The following MAP2K4 variants were observed in gnomAD, a reference collection of about 807,000 sequenced individuals.
The protein encoded by MAP2K4 is dual specificity mitogen-activated protein kinase kinase 4.
In MAP2K4, 4 loss-of-function variants were observed where a neutral mutation model predicts 48.5. The ratio of observed to expected loss-of-function variants is 0.08; its 90% CI spans 0.04 to 0.19. The LOEUF (loss-of-function observed/expected upper bound fraction) is 0.19, where lower values mean the gene tolerates loss of function less well. Ranked by LOEUF, MAP2K4 falls within the 10% of genes least tolerant of loss-of-function variation. The pLI is 1.00. For synonymous variants in MAP2K4, 166 were observed against 173.1 expected, an observed-to-expected ratio of 0.96 and a Z score of 0.32; for missense variants, 258 against 493.3, an observed-to-expected ratio of 0.52 and a Z score of 4.52.
chr17:12,030,757 T>C (rs1969412680), intron 1 of MAP2K4, among the ~76,000 whole-genome samples: 1 of 152,200 alleles, frequency 6.6e-6, no homozygotes, highest in African/African-American at 2.4e-5. Context: ...TTTGTTCACC[T>C]CTTCTCTCTC....
chr17:12,132,348 G>A (rs1973055757), intron 9 of MAP2K4, among the ~76,000 whole-genome samples: 1 of 152,170 alleles, frequency 6.6e-6, no homozygotes, highest in African/African-American at 2.4e-5. Context: ...CAGTAGAACA[G>A]ATAATAAATT....
chr17:12,097,796 G>A (rs1971808319), intron 4 of MAP2K4, among the ~76,000 whole-genome samples: 2 of 152,140 alleles, frequency 1.3e-5, no homozygotes, highest in Non-Finnish European at 2.9e-5. Context: ...CAGAAATCTT[G>A]CTGTTCCTTC....
In MAP2K4 at chr17:12,022,607, AGT is replaced by A. The variant is rs572390048; in HGVS notation, c.115+1611_115+1612del. ...CTGACAGTTTGAAATAGCTGGATAC[AGT>A]GTGTTTTTTTGGTTCAAAAAATATT... On this transcript the variant is annotated intron_variant, in intron 1 of 10. Coordinates refer to ENST00000353533, the MANE Select transcript of MAP2K4 (RefSeq NM_003010.4). Among the ~76,000 whole-genome samples, 61 of 152,302 alleles carry A rather than the reference AGT, an allele frequency of 4.0e-4. 1 individual carries two copies. The South Asian group carries it at 0.012, about 30-fold the overall frequency.
chr17:12,047,612 G>A (rs1356372552), intron 1 of MAP2K4, among the ~76,000 whole-genome samples: 1 of 152,156 alleles, frequency 6.6e-6, no homozygotes, highest in East Asian at 1.9e-4. Context: ...TGGGAAAGTG[G>A]TTTTAAACAC....
intron 3 of MAP2K4, among the ~76,000 whole-genome samples, chr17:12,085,678 T>C (rs1971337641): frequency 6.6e-6 from 1 of 152,100 alleles, no homozygotes; most frequent in Non-Finnish European, 1.5e-5. Context: ...ATTTGGATTT[T>C]GACTTTAGTG....
rs567521980 is a variant in MAP2K4, at chr17:12,110,566, T to G, written c.685+140T>G. 30 of 625,514 alleles carry G rather than the reference T, an allele frequency of 4.8e-5. No individual in the cohort carries two copies. The African/African-American group carries it at 4.9e-4, about 10-fold the overall frequency. The allele number at this position is 625,514 out of a possible 1,614,324, so 38.7% of individuals were successfully genotyped here. The stretch of plus-strand genomic sequence containing the variant: ...TTTAGCAAAAAATGCTTTATGTACT[T>G]TAAAACTCTATTACTGCTATTTTTT... On this transcript the variant is annotated intron_variant, in intron 6 of 10. Coordinates refer to ENST00000353533, the MANE Select transcript of MAP2K4 (RefSeq NM_003010.4).
At chr17:12,085,817 G>T (rs1334431799) in intron 3 of MAP2K4, among the ~76,000 whole-genome samples, 2 of 152,118 alleles carry the variant, frequency 1.3e-5, no homozygotes, top group Admixed American at 1.3e-4. Context: ...TAATCTGCTG[G>T]TTGAGTAGGC....
In MAP2K4 at chr17:12,027,551, C is replaced by A. The variant is rs1969295013; in HGVS notation, c.115+6550C>A. Reference sequence around the variant, plus strand: ...AAAAGAGGAATCAAGCAAAGTGTTACCAGACATATATATCTGAGATATATA... The same window carrying A: ...AAAAGAGGAATCAAGCAAAGTGTTAACAGACATATATATCTGAGATATATA... On this transcript the variant is annotated intron_variant, in intron 1 of 10. Transcript: ENST00000353533. 3.9e-5 allele frequency among the ~76,000 whole-genome samples: 6 copies of A among 152,072 alleles called. No individual in the cohort carries two copies. The South Asian group carries it at 1.2e-3, about 32-fold the overall frequency.
chr17:12,024,638 A>G (rs1273608028), intron 1 of MAP2K4, among the ~76,000 whole-genome samples: 2 of 152,176 alleles, frequency 1.3e-5, no homozygotes, highest in Non-Finnish European at 2.9e-5. Context: ...AGGAAACAAT[A>G]CTCAAATTAA....
At chr17:12,055,773 G>T (rs866402747) in intron 2 of MAP2K4, among the ~76,000 whole-genome samples, 32 of 152,162 alleles carry the variant, frequency 2.1e-4, no homozygotes, top group Middle Eastern at 6.8e-3. Flanking sequence ...CAAATTGGTA[G>T]AAGGTAGTGT....
At chr17:12,136,791 G>A (rs193098632) in intron 9 of MAP2K4, among the ~76,000 whole-genome samples, 1 of 152,278 alleles carries the variant, frequency 6.6e-6, no homozygotes, top group East Asian at 1.9e-4. Context: ...AGAAAGGTAT[G>A]GCAGCTTTAC....
intron 7 of MAP2K4, among the ~76,000 whole-genome samples, chr17:12,123,575 C>T (rs751535536): frequency 1.6e-4 from 25 of 151,886 alleles, no homozygotes; most frequent in African/African-American, 2.2e-4. Context: ...CTCCTGCTTG[C>T]TTTGTATTTC....
intron 2 of MAP2K4, 75 bp downstream of exon 2, chr17:12,055,066 A>C (rs183844154): frequency 1.2e-6 from 1 of 853,752 alleles, no homozygotes; most frequent in African/African-American, 1.7e-5. Context: ...AATTTTTCCA[A>C]TTATGAGATG....
intron 1 of MAP2K4, among the ~76,000 whole-genome samples, chr17:12,022,441 T>C (rs1434339454): frequency 6.6e-6 from 1 of 152,168 alleles, no homozygotes; most frequent in Non-Finnish European, 1.5e-5. Flanking sequence ...ACTGTACAGC[T>C]TTACAATTTA....
intron 8 of MAP2K4, among the ~76,000 whole-genome samples, chr17:12,128,842 C>T (rs563527423): frequency 6.6e-6 from 1 of 152,280 alleles, no homozygotes; most frequent in South Asian, 2.1e-4. Flanking sequence ...AAGTCAGAAC[C>T]ACAGGCTGCC....
chr17:12,080,594 T>C (rs1971157803), intron 2 of MAP2K4, among the ~76,000 whole-genome samples: 1 of 152,290 alleles, frequency 6.6e-6, no homozygotes, highest in Non-Finnish European at 1.5e-5. Context: ...TTTTATCCCA[T>C]TGCTTTATCG....
chr17:12,029,849 T>A (rs1422120015), intron 1 of MAP2K4, among the ~76,000 whole-genome samples: 2 of 151,872 alleles, frequency 1.3e-5, no homozygotes, highest in South Asian at 4.2e-4. Context: ...GCCCAGGAGT[T>A]TGAGGCTGCA....
intron 1 of MAP2K4, among the ~76,000 whole-genome samples, chr17:12,036,989 A>G (rs1448720507): frequency 1.3e-5 from 2 of 151,962 alleles, no homozygotes. Flanking sequence ...AAGTTTCTGT[A>G]GCTTTGTCTT....
chr17:12,129,063 T>C, intron 8 of MAP2K4, 76 bp from the exon 9 acceptor site: 2 of 1,468,446 alleles, frequency 1.4e-6, no homozygotes, highest in East Asian at 4.6e-5. Context: ...TAGTTTAGAT[T>C]TTTTTGTGGC....
Sources: gnomAD v4.1 joint callset for allele counts (sites outside exome capture counted in the v4.1 genomes callset) on GRCh38, gnomAD v4.1.1 for gene constraint, MANE v1.5 for transcripts, NCBI Gene and HGNC (gene_info 2026-07-23, HGNC 2026-07-21) for gene names.